Variants in ZDHHC19 observed in about 807,000 individuals in gnomAD.
ZDHHC19 encodes zDHHC palmitoyltransferase 19.
A neutral mutation model predicts 33.9 loss-of-function variants in ZDHHC19; 30 were observed. That is an observed-to-expected ratio of 0.88 (90% CI 0.66 to 1.20). The LOEUF (loss-of-function observed/expected upper bound fraction) is 1.20. Ranked by LOEUF, ZDHHC19 falls within the 50% of genes most tolerant of loss-of-function variation. The probability of loss-of-function intolerance (pLI) is 0.00; values close to 1 mark genes in which losing one functional copy is unlikely to be tolerated. For missense variants in ZDHHC19, 364 were observed against 401.1 expected, an observed-to-expected ratio of 0.91 and a Z score of 0.79; for synonymous variants, 178 against 167.6, an observed-to-expected ratio of 1.06 and a Z score of -0.48.
At chr3:196,210,324 GGAAAGAAA>G (rs201050182) in intron 2 of ZDHHC19, among the ~76,000 whole-genome samples, 7 of 59,836 alleles carry the variant, frequency 1.2e-4, no homozygotes, top group Non-Finnish European at 1.8e-4. Flanking sequence ...AAGGAAAGAA[GGAAAGAAA>G]GAAAGAAAGA....
chr3:196,198,875 C>G lies in ZDHHC19; in HGVS notation c.688-1G>C. The G allele has an allele frequency of 6.2e-7, 1 of 1,613,780 alleles. No individual in the cohort carries two copies. The highest frequency in any genetic ancestry group is 8.5e-7 in the Non-Finnish European group (1 of 1,179,788). On this transcript the variant is annotated splice_acceptor_variant, in intron 5 of 7. Transcript: ENST00000296326. LOFTEE classifies it high-confidence loss of function. ...GGTTGTATCCCTGAAGGTGTCTGCACTGGTCGGGGATGGAAACCGGAAGAG... is the reference window on the plus strand; with the variant it reads ...GGTTGTATCCCTGAAGGTGTCTGCAGTGGTCGGGGATGGAAACCGGAAGAG...
intron 4 of ZDHHC19, 115 bp downstream of exon 4, chr3:196,208,273 G>A: frequency 1.6e-6 from 1 of 642,846 alleles, no homozygotes; most frequent in South Asian, 2.1e-5. Flanking sequence ...CCTCGTCCCA[G>A]ACTGGTCCTC....
At chr3:196,199,105 C>T (rs1265491134) in intron 5 of ZDHHC19, among the ~76,000 whole-genome samples, 1 of 152,250 alleles carries the variant, frequency 6.6e-6, no homozygotes, top group African/African-American at 2.4e-5. Flanking sequence ...CTGAATGTCA[C>T]TGTCTGGAAG....
intron 5 of ZDHHC19, among the ~76,000 whole-genome samples, chr3:196,205,110 G>A (rs553305394): frequency 2.2e-4 from 34 of 152,020 alleles, no homozygotes; most frequent in African/African-American, 7.7e-4. Flanking sequence ...CATCTCAAAC[G>A]AACAAACAAA....
At chr3:196,202,834 A>G (rs1210790482) in intron 5 of ZDHHC19, among the ~76,000 whole-genome samples, 1 of 152,210 alleles carries the variant, frequency 6.6e-6, no homozygotes, top group Non-Finnish European at 1.5e-5. Context: ...GCAAGTGAGC[A>G]CTGCCGGCCC....
chr3:196,202,565 C>T (rs1312800302), intron 5 of ZDHHC19: 1 of 152,728 alleles, frequency 6.5e-6, no homozygotes, highest in South Asian at 2.1e-4. Context: ...GAGGGCAGCA[C>T]CGAGGGAAGG....
chr3:196,202,061 G>A (rs1404372868), intron 5 of ZDHHC19, among the ~76,000 whole-genome samples: 5 of 152,208 alleles, frequency 3.3e-5, no homozygotes, highest in Non-Finnish European at 7.3e-5. Flanking sequence ...GCTCATGCCT[G>A]TAATCCCAGC....
chr3:196,198,827 G>T lies in ZDHHC19; in HGVS notation c.735C>A (p.Ser245Arg), dbSNP rs200924801. The stretch of plus-strand genomic sequence containing the variant: ...GTGCACAAATTGTTAAATACCAGTT[G>T]CTGGCACAGCCCTGGTCGAAGGGGT... ...GYNPFDQGCASNWYLTICAPL... is the reference protein window; with the variant it reads ...GYNPFDQGCARNWYLTICAPL... The change falls in exon 6 of 8, where the codon AGC becomes AGA. Residue 245 changes from serine to arginine, a missense_variant. By Grantham distance (110) the Ser-to-Arg change is moderately radical. Coordinates refer to ENST00000296326, the MANE Select transcript of ZDHHC19 (RefSeq NM_001039617.2). The T allele has an allele frequency of 6.2e-7, 1 of 1,614,136 alleles. No homozygotes were observed.
intron 6 of ZDHHC19, 121 bp from the exon 7 acceptor site, chr3:196,198,572 C>T: frequency 6.4e-7 from 1 of 1,553,098 alleles, no homozygotes; most frequent in South Asian, 1.2e-5. Flanking sequence ...AGGCCAGCCT[C>T]ATCCAGGATG....
chr3:196,198,239 AC>A (rs1279359670), intron 7 of ZDHHC19, 36 bp downstream of exon 7: 5 of 1,442,394 alleles, frequency 3.5e-6, no homozygotes, highest in South Asian at 1.7e-5. Flanking sequence ...CCCCCTCCCG[AC>A]ACGCACAGAC....
chr3:196,206,777 T>G (rs992713662), intron 5 of ZDHHC19, among the ~76,000 whole-genome samples: 1 of 150,512 alleles, frequency 6.6e-6, no homozygotes, highest in Non-Finnish European at 1.5e-5. Context: ...GCCTCTCCGG[T>G]TCACGCCATT....
intron 1 of ZDHHC19, 24 bp downstream of exon 1, chr3:196,211,146 T>C: frequency 1.2e-6 from 2 of 1,614,094 alleles, no homozygotes; most frequent in Non-Finnish European, 1.7e-6. Context: ...GTGGGAAACC[T>C]AACGGCTTGC....
chr3:196,201,104 A>G lies in ZDHHC19; in HGVS notation c.688-2230T>C, dbSNP rs184073489. ...TTTCTTTTTTTTGAGACGGAGTCTC[A>G]CTGTGTCGCCCAGGCTGGAGTGCAG... On this transcript the variant is annotated intron_variant, in intron 5 of 7. Coordinates refer to ENST00000296326, the MANE Select transcript of ZDHHC19 (RefSeq NM_001039617.2). Among the ~76,000 whole-genome samples the G allele has an allele frequency of 7.8e-3, 1,182 of 150,676 alleles. 39 individuals carry two copies. Among genetic ancestry groups the G allele is most frequent in the African/African-American group, 0.028 (1,140 of 40,814 alleles).
rs113705496 is a variant in ZDHHC19, at chr3:196,211,391, T to C, written c.-76A>G. The C allele has an allele frequency of 1.7e-5, 25 of 1,510,126 alleles. No individual in the cohort carries two copies. The highest frequency in any genetic ancestry group is 4.2e-5 in the African/African-American group (3 of 71,756). The allele number at this position is 1,510,126 out of a possible 1,614,324, so 93.5% of individuals were successfully genotyped here. On this transcript the variant is annotated 5_prime_UTR_variant, in exon 1 of 8. It removes an upstream start codon present in the reference 5' UTR. Transcript: ENST00000296326. ...CCCCAGCCCAGCTTCCAGAGCTCCA[T>C]GGCCACGGCAGCCTCAGAGCCGCAG...
chr3:196,198,273 T>C lies in ZDHHC19; in HGVS notation c.*19+3A>G. 6.7e-7 allele frequency: 1 copy of C among 1,495,578 alleles called. No individual in the cohort carries two copies. Among genetic ancestry groups the C allele is most frequent in the East Asian group, 2.3e-5 (1 of 42,764 alleles). The allele number at this position is 1,495,578 out of a possible 1,614,324, so 92.6% of individuals were successfully genotyped here. A position where few individuals can be genotyped will look rare whatever the true frequency, so the allele number is the denominator to read the frequency against. On this transcript the variant is annotated splice_donor_region_variant and intron_variant, in intron 7 of 7. Transcript: ENST00000296326. ...GACACCCACGCACACACACGCTTCT[T>C]ACCTCCTGGAGAGCTGCAGCCTCAC...
intron 5 of ZDHHC19, among the ~76,000 whole-genome samples, chr3:196,201,951 G>A (rs935715092): frequency 3.3e-5 from 5 of 151,640 alleles, no homozygotes; most frequent in African/African-American, 1.2e-4. Flanking sequence ...TTGTCTTTTC[G>A]TCCCTCCCAA....
chr3:196,209,531 G>T lies in ZDHHC19; in HGVS notation c.269-16C>A. ...TCAGCGGAGCCTGGCGTGGGAAGAG[G>T]ATTGGGCACAGCAGAAGGCCCTGCG... is the stretch of plus-strand genomic sequence containing the variant. On this transcript the variant is annotated splice_polypyrimidine_tract_variant and intron_variant, in intron 2 of 7. Coordinates refer to ENST00000296326, the MANE Select transcript of ZDHHC19 (RefSeq NM_001039617.2). 1 of 1,611,682 alleles carries T rather than the reference G, an allele frequency of 6.2e-7. No homozygotes were observed. Among genetic ancestry groups the T allele is most frequent in the Non-Finnish European group, 8.5e-7 (1 of 1,179,320 alleles).
At chr3:196,208,035 C>T (rs1722914563) in intron 4 of ZDHHC19, among the ~76,000 whole-genome samples, 2 of 151,458 alleles carry the variant, frequency 1.3e-5, no homozygotes, top group African/African-American at 4.9e-5. Context: ...TTCCAGGTAG[C>T]TGGGACTATA....
rs1006008822 is a variant in ZDHHC19 at position 196,211,329 on chromosome 3, T to C, written c.-14A>G. ...TAAGAGTGTCATGGCTGGGCCTCCTTCGCCTCCAGGGGAGGTCAGAGCCAC... is the reference window on the plus strand; with the variant it reads ...TAAGAGTGTCATGGCTGGGCCTCCTCCGCCTCCAGGGGAGGTCAGAGCCAC... On this transcript the variant is annotated 5_prime_UTR_variant, in exon 1 of 8. Transcript: ENST00000296326. The C allele has an allele frequency of 1.3e-6, 2 of 1,598,594 alleles. No homozygotes were observed. The highest frequency in any genetic ancestry group is 1.7e-4 in the Middle Eastern group (1 of 5,864).
Sources: allele counts gnomAD v4.1 joint callset (sites outside exome capture counted in the v4.1 genomes callset), GRCh38; gene constraint gnomAD v4.1.1; transcripts MANE v1.5; gene names NCBI Gene and HGNC (gene_info 2026-07-23, HGNC 2026-07-21).